Variants in COL19A1 observed in about 807,000 individuals in gnomAD.
COL19A1 encodes the protein collagen alpha-1(XIX) chain.
In COL19A1, 159 loss-of-function variants were observed where a neutral mutation model predicts 190.2. That is an observed-to-expected ratio of 0.84 (90% confidence interval 0.73 to 0.95). The LOEUF (loss-of-function observed/expected upper bound fraction) is 0.95, where lower values mean the gene tolerates loss of function less well. Ranked by LOEUF, COL19A1 falls within the 40% of genes least tolerant of loss-of-function variation. The pLI, the probability that COL19A1 is intolerant of heterozygous loss-of-function variation, is 0.00. For synonymous variants in COL19A1, 509 were observed against 458.9 expected, an observed-to-expected ratio of 1.11 and a Z score of -1.39; for missense variants, 1,418 against 1,431.9, an observed-to-expected ratio of 0.99 and a Z score of 0.16.
intron 16 of COL19A1, among the ~76,000 whole-genome samples, chr6:70,118,342 A>G (rs1784698032): frequency 6.6e-6 from 1 of 152,204 alleles, no homozygotes. Context: ...ATTAATGACC[A>G]CTATCTTTGA....
chr6:70,067,458 G>A (rs7742508), intron 14 of COL19A1, among the ~76,000 whole-genome samples: 18,342 of 152,104 alleles, frequency 0.12, 1,505 homozygotes, highest in African/African-American at 0.22. Context: ...CATGGTGGAA[G>A]AGGATCCAGT....
At chr6:70,087,867 C>T (rs1313512453) in intron 15 of COL19A1, among the ~76,000 whole-genome samples, 6 of 152,156 alleles carry the variant, frequency 3.9e-5, no homozygotes, top group East Asian at 3.9e-4. Flanking sequence ...ACACTAGTGT[C>T]GGCACTAGAG....
chr6:69,908,675 T>C (rs1770711332), intron 4 of COL19A1, among the ~76,000 whole-genome samples: 1 of 152,180 alleles, frequency 6.6e-6, no homozygotes, highest in Non-Finnish European at 1.5e-5. Flanking sequence ...AGTATTGTTA[T>C]TTACTGATTT....
intron 11 of COL19A1, among the ~76,000 whole-genome samples, chr6:70,003,390 T>C (rs1032434784): frequency 3.3e-5 from 5 of 152,228 alleles, no homozygotes; most frequent in African/African-American, 1.2e-4. Flanking sequence ...TTAGGTCCAC[T>C]TGATCCAGAG....
intron 11 of COL19A1, among the ~76,000 whole-genome samples, chr6:69,985,061 A>G (rs76578357): frequency 0.079 from 12,087 of 152,212 alleles, 569 homozygotes; most frequent in East Asian, 0.2. Context: ...TGTAGTTGGG[A>G]TCAGAATACA....
chr6:69,877,721 A>T (rs1038192588), intron 1 of COL19A1, among the ~76,000 whole-genome samples: 1 of 151,496 alleles, frequency 6.6e-6, no homozygotes, highest in African/African-American at 2.4e-5. Context: ...CAACTGGATT[A>T]AAAAAATGGG....
chr6:70,150,182 T>C, intron 30 of COL19A1, 137 bp downstream of exon 30: 5 of 880,940 alleles, frequency 5.7e-6, no homozygotes, highest in Non-Finnish European at 9.1e-6. Context: ...CCCCATTATT[T>C]TGTCGAGTGA....
intron 18 of COL19A1, among the ~76,000 whole-genome samples, chr6:70,133,164 G>A (rs1028582923): frequency 6.6e-6 from 1 of 152,116 alleles, no homozygotes; most frequent in African/African-American, 2.4e-5. Context: ...TTGTGCTGTA[G>A]AATAAAATAT....
chr6:70,150,143 C>A, intron 30 of COL19A1, 98 bp downstream of exon 30: 1 of 1,187,196 alleles, frequency 8.4e-7, no homozygotes, highest in Non-Finnish European at 1.3e-6. Flanking sequence ...AATTAGAATG[C>A]TCGGTGACTG....
At chr6:70,089,077 C>G (rs1782751765) in intron 15 of COL19A1, among the ~76,000 whole-genome samples, 1 of 152,144 alleles carries the variant, frequency 6.6e-6, no homozygotes, top group South Asian at 2.1e-4. Flanking sequence ...GGATTTTTCT[C>G]TTTGCCTCTG....
chr6:69,972,376 G>A (rs1775479848), intron 11 of COL19A1, among the ~76,000 whole-genome samples: 1 of 152,138 alleles, frequency 6.6e-6, no homozygotes, highest in African/African-American at 2.4e-5. Flanking sequence ...TAGAGTAGAA[G>A]CTTCAAGAAA....
intron 48 of COL19A1, among the ~76,000 whole-genome samples, chr6:70,193,207 CA>C (rs1766990348): frequency 6.6e-6 from 1 of 152,152 alleles, no homozygotes; most frequent in African/African-American, 2.4e-5. Flanking sequence ...GTGCATTCAG[CA>C]AAAGAGACAC....
At chr6:70,153,346 G>C (rs762814827) in intron 31 of COL19A1, among the ~76,000 whole-genome samples, 5 of 152,068 alleles carry the variant, frequency 3.3e-5, no homozygotes, top group Non-Finnish European at 7.4e-5. Context: ...ATAATTACAG[G>C]CACCTTCAAA....
At chr6:70,045,171 G>A (rs1198039948) in intron 14 of COL19A1, among the ~76,000 whole-genome samples, 2 of 151,880 alleles carry the variant, frequency 1.3e-5, no homozygotes, top group Non-Finnish European at 2.9e-5. Flanking sequence ...AAATTAGCCA[G>A]GCATGGTGGT....
intron 46 of COL19A1, among the ~76,000 whole-genome samples, chr6:70,186,826 A>G (rs550812004): frequency 1.3e-5 from 2 of 152,320 alleles, no homozygotes; most frequent in Admixed American, 1.3e-4. Flanking sequence ...CACATCTAAT[A>G]TAATATTTTA....
intron 9 of COL19A1, among the ~76,000 whole-genome samples, chr6:69,946,413 A>G (rs1401196712): frequency 6.6e-6 from 1 of 152,044 alleles, no homozygotes; most frequent in African/African-American, 2.4e-5. Context: ...AAACTTACCC[A>G]TCATATCTGG....
intron 11 of COL19A1, among the ~76,000 whole-genome samples, chr6:70,000,264 A>G (rs1777179833): frequency 6.6e-6 from 1 of 152,232 alleles, no homozygotes; most frequent in South Asian, 2.1e-4. Flanking sequence ...TATTCAGTCT[A>G]TCATTGATGG....
At chr6:69,994,457 G>A (rs1316854832) in intron 11 of COL19A1, among the ~76,000 whole-genome samples, 2 of 152,142 alleles carry the variant, frequency 1.3e-5, no homozygotes, top group African/African-American at 4.8e-5. Context: ...TATGACGCTT[G>A]TGGAGAATTT....
intron 5 of COL19A1, among the ~76,000 whole-genome samples, chr6:69,928,832 C>T (rs978834570): frequency 2.0e-5 from 3 of 152,038 alleles, no homozygotes; most frequent in Non-Finnish European, 4.4e-5. Flanking sequence ...TGTACATATC[C>T]GTTGAAATGT....
Sources: gnomAD v4.1 joint callset for allele counts (sites outside exome capture counted in the v4.1 genomes callset) on GRCh38, gnomAD v4.1.1 for gene constraint, MANE v1.5 for transcripts, NCBI Gene and HGNC (gene_info 2026-07-23, HGNC 2026-07-21) for gene names.